Variants in RAB7A observed in about 807,000 individuals in gnomAD.
RAB7A encodes the protein RAB7A, member RAS oncogene family.
In RAB7A, 2 loss-of-function variants were observed where a neutral mutation model predicts 24.5. That is an observed-to-expected ratio of 0.08 (90% CI 0.03 to 0.26). The LOEUF is 0.26. Ranked by LOEUF, RAB7A falls within the 10% of genes least tolerant of loss-of-function variation. The pLI, the probability that RAB7A is intolerant of heterozygous loss-of-function variation, is 1.00. For synonymous variants in RAB7A, 100 were observed against 95.9 expected (o/e 1.04, Z -0.25); for missense variants, 118 against 255.7 (o/e 0.46, Z 3.67).
intron 3 of RAB7A, among the ~76,000 whole-genome samples, chr3:128,804,658 A>G (rs908775465): frequency 3.9e-5 from 6 of 152,068 alleles, no homozygotes; most frequent in Non-Finnish European, 8.8e-5. Flanking sequence ...CTTCTTTTTG[A>G]TGTATTACTT....
chr3:128,781,328 T>G (rs1252976911), intron 1 of RAB7A, among the ~76,000 whole-genome samples: 1 of 148,642 alleles, frequency 6.7e-6, no homozygotes, highest in Non-Finnish European at 1.5e-5. Flanking sequence ...CATTATCTCA[T>G]TTGTGGAGGA....
chr3:128,783,562 A>G (rs1933267713), intron 1 of RAB7A, among the ~76,000 whole-genome samples: 2 of 151,942 alleles, frequency 1.3e-5, no homozygotes, highest in African/African-American at 2.4e-5. Flanking sequence ...GGTAGACTAG[A>G]TATCTCCCTC....
rs150581777 is a variant in RAB7A, at chr3:128,776,481, C to T, written c.-8-18879C>T. ...ATTAATTTTTTTAGAGATGGGGTTT[C>T]ACCATGTTGCTTAGGCTGGTCTCAA... On this transcript the variant is annotated intron_variant, in intron 1 of 5. Transcript: ENST00000265062. 3.2e-3 allele frequency among the ~76,000 whole-genome samples: 494 copies of T among 152,226 alleles called. 2 individuals are homozygous for T. The highest frequency in any genetic ancestry group is 0.011 in the African/African-American group (462 of 41,528).
chr3:128,789,330 T>C (rs79204733), intron 1 of RAB7A, among the ~76,000 whole-genome samples: 1 of 139,912 alleles, frequency 7.1e-6, no homozygotes, highest in African/African-American at 3.0e-5. Flanking sequence ...TTGTAGCCTT[T>C]TTTTTTTTTT....
chr3:128,740,207 G>A (rs911065183), intron 1 of RAB7A, among the ~76,000 whole-genome samples: 1 of 151,804 alleles, frequency 6.6e-6, no homozygotes, highest in Admixed American at 6.6e-5. Context: ...GTGAAATCCC[G>A]TCTCTACTAA....
chr3:128,798,346 T>C (rs1933618753), intron 3 of RAB7A: 2 of 381,244 alleles, frequency 5.2e-6, no homozygotes, highest in East Asian at 6.3e-5. Context: ...TTGTTGTTTT[T>C]GGTTTTGTTG....
rs758757916 is a variant in RAB7A, at chr3:128,806,422, C to T, written c.231C>T (p.Phe77=). The change falls in exon 4 of 6, where the codon TTC becomes TTT. Residue 77 remains phenylalanine, a synonymous_variant. Transcript: ENST00000265062. ...GGTTCCAGTCTCTCGGTGTGGCCTT[C>T]TACAGAGGTGCAGACTGCTGCGTTC... ...QERFQSLGVA[F]YRGADCCVLV... 4.3e-6 allele frequency: 7 copies of T among 1,613,808 alleles called. No individual in the cohort carries two copies. The East Asian group carries it at 1.6e-4, about 36-fold the overall frequency.
intron 1 of RAB7A, among the ~76,000 whole-genome samples, chr3:128,742,696 A>G (rs1190030007): frequency 2.0e-5 from 3 of 152,178 alleles, no homozygotes; most frequent in African/African-American, 7.2e-5. Flanking sequence ...TGAGCTAGAT[A>G]CAGAGTGCTG....
intron 1 of RAB7A, chr3:128,785,157 G>A (rs1201531650): frequency 6.6e-6 from 1 of 152,184 alleles, no homozygotes; most frequent in African/African-American, 2.4e-5. Context: ...TCTGGGCACA[G>A]TGGTGCATAC....
At chr3:128,760,520 C>T (rs1304113754) in intron 1 of RAB7A, among the ~76,000 whole-genome samples, 1 of 152,170 alleles carries the variant, frequency 6.6e-6, no homozygotes, top group Non-Finnish European at 1.5e-5. Flanking sequence ...GTTTCAGAAA[C>T]ACTTCCTACA....
At chr3:128,763,208 A>ATATATATTTTTTTTT (rs373993932) in intron 1 of RAB7A, among the ~76,000 whole-genome samples, 9 of 76,054 alleles carry the variant, frequency 1.2e-4, no homozygotes, top group African/African-American at 5.7e-4. Context: ...ATATATATAT[A>ATATATATTTTTTTTT]TTTTTTTTTT....
At chr3:128,770,555 G>A (rs1559788200) in intron 1 of RAB7A, among the ~76,000 whole-genome samples, 1 of 152,108 alleles carries the variant, frequency 6.6e-6, no homozygotes, top group Non-Finnish European at 1.5e-5. Context: ...GTGTCTCACC[G>A]GATACGCTGG....
At chr3:128,729,203 A>G (rs1309233476) in intron 1 of RAB7A, among the ~76,000 whole-genome samples, 1 of 152,132 alleles carries the variant, frequency 6.6e-6, no homozygotes, top group Non-Finnish European at 1.5e-5. Context: ...TTTATAGTAA[A>G]GTGTGGCTTT....
At chr3:128,732,022 C>G (rs1283466923) in intron 1 of RAB7A, among the ~76,000 whole-genome samples, 2 of 147,464 alleles carry the variant, frequency 1.4e-5, no homozygotes, top group Non-Finnish European at 3.0e-5. Context: ...AAAAAAGTGT[C>G]TCTTTCTTCC....
intron 1 of RAB7A, among the ~76,000 whole-genome samples, chr3:128,739,612 G>T (rs539733910): frequency 6.6e-6 from 1 of 151,590 alleles, no homozygotes; most frequent in African/African-American, 2.4e-5. Flanking sequence ...AAATTTAAAT[G>T]AGATCATAAA....
At chr3:128,731,088 G>A (rs1323609379) in intron 1 of RAB7A, among the ~76,000 whole-genome samples, 1 of 152,118 alleles carries the variant, frequency 6.6e-6, no homozygotes, top group Non-Finnish European at 1.5e-5. Flanking sequence ...TCATACTGCT[G>A]GGCATTAACC....
At chr3:128,795,222 C>A in intron 1 of RAB7A, 138 bp from the exon 2 acceptor site, 1 of 761,334 alleles carries the variant, frequency 1.3e-6, no homozygotes, top group East Asian at 2.6e-5. Flanking sequence ...TATCAGTGCC[C>A]CCTGGTGGAA....
At chr3:128,770,987 T>TG (rs2070879801) in intron 1 of RAB7A, among the ~76,000 whole-genome samples, 1 of 151,748 alleles carries the variant, frequency 6.6e-6, no homozygotes, top group African/African-American at 2.4e-5. Flanking sequence ...TTTTTTTTTT[T>TG]GAGTCAGGGT....
chr3:128,767,192 CTAG>C (rs1349840583), intron 1 of RAB7A, among the ~76,000 whole-genome samples: 1 of 152,188 alleles, frequency 6.6e-6, no homozygotes, highest in East Asian at 1.9e-4. Flanking sequence ...GTGTTTGCAA[CTAG>C]TCTCCTGAGG....
Sources: allele counts gnomAD v4.1 joint callset (sites outside exome capture counted in the v4.1 genomes callset), GRCh38; gene constraint gnomAD v4.1.1; transcripts MANE v1.5; gene names NCBI Gene and HGNC (gene_info 2026-07-23, HGNC 2026-07-21).